PPP1R12B: variants seen among roughly 807,000 people sequenced by gnomAD.
The protein encoded by PPP1R12B is myosin phosphatase target subunit 2.
Under a neutral mutation model 126.1 loss-of-function variants are expected in PPP1R12B, and 76 were observed. That is an observed-to-expected ratio of 0.60 (90% CI 0.50 to 0.73). The LOEUF is 0.73. PPP1R12B is among the 30% of genes least tolerant of loss of function. The pLI, the probability that PPP1R12B is intolerant of heterozygous loss-of-function variation, is 0.00. For synonymous variants in PPP1R12B, 356 were observed against 434.7 expected (o/e 0.82, Z 2.25); for missense variants, 1,052 against 1,205.1 (o/e 0.87, Z 1.88).
intron 18 of PPP1R12B, among the ~76,000 whole-genome samples, chr1:202,501,075 T>A (rs1349534734): frequency 2.6e-5 from 4 of 152,230 alleles, no homozygotes; most frequent in Non-Finnish European, 5.9e-5. Context: ...CAGATGTGTT[T>A]AAAAACAATT....
chr1:202,375,293 C>T (rs970780404), intron 1 of PPP1R12B, among the ~76,000 whole-genome samples: 21 of 152,200 alleles, frequency 1.4e-4, no homozygotes, highest in African/African-American at 5.1e-4. Flanking sequence ...ATATTTCACA[C>T]CTTTCTTAAA....
chr1:202,441,249 G>C (rs912287338), intron 11 of PPP1R12B, among the ~76,000 whole-genome samples: 1 of 152,168 alleles, frequency 6.6e-6, no homozygotes, highest in Non-Finnish European at 1.5e-5. Flanking sequence ...TTGAAGTATT[G>C]CTGCATCTCA....
chr1:202,532,686 A>G (rs1684077843), intron 18 of PPP1R12B, among the ~76,000 whole-genome samples: 2 of 152,066 alleles, frequency 1.3e-5, no homozygotes, highest in Admixed American at 1.3e-4. Flanking sequence ...CTCTGTAAAG[A>G]GAGACTATCT....
intron 18 of PPP1R12B, among the ~76,000 whole-genome samples, chr1:202,515,526 G>A (rs1184551305): frequency 6.6e-6 from 1 of 152,134 alleles, no homozygotes; most frequent in Non-Finnish European, 1.5e-5. Flanking sequence ...GAGGAAGAAA[G>A]ACCTTCCCTA....
intron 18 of PPP1R12B, among the ~76,000 whole-genome samples, chr1:202,532,977 C>G (rs550680074): frequency 1.4e-5 from 2 of 140,418 alleles, no homozygotes; most frequent in East Asian, 2.3e-4. Context: ...TCAAATGATT[C>G]TCCTGCCTCA....
chr1:202,454,933 A>G (rs1393544660), intron 13 of PPP1R12B, among the ~76,000 whole-genome samples: 1 of 152,130 alleles, frequency 6.6e-6, no homozygotes, highest in Non-Finnish European at 1.5e-5. Flanking sequence ...AAAAAAAAAA[A>G]AGATTTCCCT....
At chr1:202,477,960 T>C (rs1572202137) in intron 13 of PPP1R12B, among the ~76,000 whole-genome samples, 4 of 152,320 alleles carry the variant, frequency 2.6e-5, no homozygotes, top group Admixed American at 2.0e-4. Flanking sequence ...GCCTGGTTTT[T>C]TCCGGATGCC....
At position 202,438,278 on chromosome 1, in the gene PPP1R12B, C is replaced by T. The variant is rs770740082; in HGVS notation, c.1458+254C>T. Reference sequence around the variant, plus strand: ...TTGGTTTGTTCAATCTTCCTTGCCCCCTTACCTAAAGCAAAAAATGGATCA... The same window carrying T: ...TTGGTTTGTTCAATCTTCCTTGCCCTCTTACCTAAAGCAAAAAATGGATCA... On this transcript the variant is annotated intron_variant, in intron 10 of 23. Coordinates refer to ENST00000608999, the MANE Select transcript of PPP1R12B (RefSeq NM_002481.4). 46 of 1,568,514 alleles carry T rather than the reference C, an allele frequency of 2.9e-5. No homozygotes were observed. The East Asian group carries it at 9.9e-4, about 34-fold the overall frequency.
intron 20 of PPP1R12B, among the ~76,000 whole-genome samples, chr1:202,563,175 G>T (rs1387831577): frequency 6.6e-6 from 1 of 152,162 alleles, no homozygotes; most frequent in Non-Finnish European, 1.5e-5. Context: ...AAAGCGCAGT[G>T]GTGCAATCAT....
chr1:202,532,424 T>C (rs1684052388), intron 18 of PPP1R12B, among the ~76,000 whole-genome samples: 1 of 152,238 alleles, frequency 6.6e-6, no homozygotes. Flanking sequence ...TCAGCCTTAT[T>C]TACCCAGCCC....
intron 23 of PPP1R12B, 113 bp downstream of exon 23, chr1:202,569,310 C>A: frequency 9.4e-7 from 1 of 1,067,064 alleles, no homozygotes; most frequent in Non-Finnish European, 1.4e-6. Flanking sequence ...TCAATATCTG[C>A]AAGAAGAAAT....
intron 1 of PPP1R12B, among the ~76,000 whole-genome samples, chr1:202,354,227 C>A (rs964001712): frequency 1.4e-4 from 22 of 152,038 alleles, no homozygotes; most frequent in African/African-American, 5.3e-4. Context: ...AGATGTAGAA[C>A]GTTACCCTCA....
intron 14 of PPP1R12B, among the ~76,000 whole-genome samples, chr1:202,490,180 G>A (rs1362411839): frequency 1.3e-5 from 2 of 152,148 alleles, no homozygotes; most frequent in African/African-American, 2.4e-5. Flanking sequence ...CAGCAGGAGC[G>A]GTGAAAAGAA....
At position 202,442,544 on chromosome 1, in the gene PPP1R12B, T is replaced by C; in HGVS notation, c.1639T>C (p.Ser547Pro). ...GNEIPQTIAPSTYVSTYLKRT... is the reference protein window; with the variant it reads ...GNEIPQTIAPPTYVSTYLKRT... Reference sequence around the variant, plus strand: ...TGAAATCCCACAGACAATTGCTCCCTCCACCTATGTATCAACTTACTTGAA... The same window carrying C: ...TGAAATCCCACAGACAATTGCTCCCCCCACCTATGTATCAACTTACTTGAA... The change falls in exon 12 of 24, where the codon TCC (serine) becomes CCC (proline). Residue 547 changes from serine (S) to proline (P), a missense_variant. By Grantham distance (74) the Ser-to-Pro change is moderately conservative. Coordinates refer to ENST00000608999, the MANE Select transcript of PPP1R12B (RefSeq NM_002481.4). 6.2e-7 allele frequency: 1 copy of C among 1,613,208 alleles called. No individual in the cohort carries two copies. Among genetic ancestry groups the C allele is most frequent in the Non-Finnish European group, 8.5e-7 (1 of 1,179,676 alleles).
At chr1:202,424,326 CTTTT>C (rs34030338) in intron 3 of PPP1R12B, among the ~76,000 whole-genome samples, 5 of 141,334 alleles carry the variant, frequency 3.5e-5, no homozygotes, top group Non-Finnish European at 7.8e-5. Flanking sequence ...CAGGTTCTCT[CTTTT>C]TTTTTTTTTT....
At chr1:202,361,033 G>A (rs1205327453) in intron 1 of PPP1R12B, among the ~76,000 whole-genome samples, 5 of 151,946 alleles carry the variant, frequency 3.3e-5, no homozygotes, top group African/African-American at 7.2e-5. Context: ...TGGGACTACA[G>A]GTGCCCGCCA....
In PPP1R12B at chr1:202,581,179, C is replaced by A. The variant is rs1689529934; in HGVS notation, c.*619C>A. 1 of 152,844 alleles carries A rather than the reference C, an allele frequency of 6.5e-6. No homozygotes were observed. The highest frequency in any genetic ancestry group is 6.5e-5 in the Admixed American group (1 of 15,318). 9.5% of individuals were successfully genotyped at this position (152,844 alleles called of 1,614,324 possible). ...AGTAATCTCCCTAACTAGTTTTAAC[C>A]CTTATTCCTCCCTCATACCTAGCCA... On this transcript the variant is annotated 3_prime_UTR_variant, in exon 24 of 24. Coordinates refer to ENST00000608999, the MANE Select transcript of PPP1R12B (RefSeq NM_002481.4).
At chr1:202,475,183 C>G (rs1487227987) in intron 13 of PPP1R12B, among the ~76,000 whole-genome samples, 4 of 152,182 alleles carry the variant, frequency 2.6e-5, no homozygotes, top group African/African-American at 7.2e-5. Flanking sequence ...ATTAGCCTCC[C>G]GTTCCCAATT....
chr1:202,539,249 G>A (rs1684860760), intron 18 of PPP1R12B, among the ~76,000 whole-genome samples: 1 of 152,194 alleles, frequency 6.6e-6, no homozygotes, highest in Non-Finnish European at 1.5e-5. Context: ...GGTGAGGTTT[G>A]CCTCTGAGCA....
Sources: allele counts gnomAD v4.1 joint callset (sites outside exome capture counted in the v4.1 genomes callset), GRCh38; gene constraint gnomAD v4.1.1; transcripts MANE v1.5; gene names NCBI Gene and HGNC (gene_info 2026-07-23, HGNC 2026-07-21).